The following GPR89A variants were observed in gnomAD, a reference collection of about 807,000 sequenced individuals.
GPR89A encodes G protein-coupled receptor 89A.
A neutral mutation model predicts 52.0 loss-of-function variants in GPR89A; 16 were observed. The ratio of observed to expected loss-of-function variants is 0.31; its 90% confidence interval spans 0.21 to 0.47. The LOEUF (loss-of-function observed/expected upper bound fraction) is 0.47. Among genes scored for constraint, GPR89A ranks in the 20% least tolerant of loss-of-function variants. GPR89A has a pLI of 1.00. For missense variants in GPR89A, 135 were observed against 449.4 expected (o/e 0.30, Z 6.33); for synonymous variants, 55 against 150.9 (o/e 0.36, Z 4.66).
At chr1:145,668,203 G>A (rs1652710605) in intron 12 of GPR89A, among the ~76,000 whole-genome samples, 3 of 152,186 alleles carry the variant, frequency 2.0e-5, no homozygotes, top group Admixed American at 6.5e-5. Flanking sequence ...CTATCCATGA[G>A]CATGGAATGT....
chr1:145,610,532 G>C (rs587675589), intron 1 of GPR89A, among the ~76,000 whole-genome samples: 1 of 152,032 alleles, frequency 6.6e-6, no homozygotes, highest in Non-Finnish European at 1.5e-5. Flanking sequence ...TAAGCCTTCA[G>C]ATCTCAAGTT....
At chr1:145,666,552 A>T (rs1317646841) in intron 12 of GPR89A, among the ~76,000 whole-genome samples, 1 of 147,152 alleles carries the variant, frequency 6.8e-6, no homozygotes, top group South Asian at 2.2e-4. Flanking sequence ...GAATTCAACT[A>T]TTTTTTTTTT....
chr1:145,635,149 G>A (rs1650137223), intron 7 of GPR89A, among the ~76,000 whole-genome samples: 1 of 152,238 alleles, frequency 6.6e-6, no homozygotes, highest in South Asian at 2.1e-4. Context: ...GCTCACGCCT[G>A]TAATCCCAGC....
chr1:145,645,507 A>C (rs1319193993), intron 8 of GPR89A: 13 of 443,214 alleles, frequency 2.9e-5, no homozygotes, highest in Non-Finnish European at 4.9e-5. Context: ...TAAATGGGAG[A>C]ATAATAACTC....
intron 3 of GPR89A, among the ~76,000 whole-genome samples, chr1:145,621,736 T>A (rs758097367): frequency 6.6e-6 from 1 of 152,050 alleles, no homozygotes; most frequent in Non-Finnish European, 1.5e-5. Context: ...AGTTTAATCA[T>A]ATAATACAAT....
intron 7 of GPR89A, among the ~76,000 whole-genome samples, chr1:145,642,855 G>A (rs1650744222): frequency 6.6e-6 from 1 of 151,464 alleles, no homozygotes; most frequent in Non-Finnish European, 1.5e-5. Context: ...TCCTCACTAG[G>A]ACCCTGTTGA....
At chr1:145,626,269 T>A (rs1649491115) in intron 5 of GPR89A, among the ~76,000 whole-genome samples, 1 of 151,862 alleles carries the variant, frequency 6.6e-6, no homozygotes. Context: ...GACCCGACTC[T>A]GACACCTTTC....
At chr1:145,652,308 G>A (rs1553693646) in intron 10 of GPR89A, among the ~76,000 whole-genome samples, 2 of 152,164 alleles carry the variant, frequency 1.3e-5, no homozygotes, top group East Asian at 3.8e-4. Flanking sequence ...TTACTGATTC[G>A]TGTATGTTGA....
At chr1:145,634,129 G>A (rs1449216053) in intron 7 of GPR89A, among the ~76,000 whole-genome samples, 2 of 148,176 alleles carry the variant, frequency 1.3e-5, no homozygotes, top group Non-Finnish European at 3.0e-5. Context: ...GCCCAGGCTG[G>A]AGTGCAGTGA....
At chr1:145,654,817 G>A (rs2624724) in intron 10 of GPR89A, among the ~76,000 whole-genome samples, 19 of 152,160 alleles carry the variant, frequency 1.2e-4, no homozygotes, top group African/African-American at 4.1e-4. Context: ...GTCTTGCTAG[G>A]TTGGAGAAGT....
chr1:145,652,490 G>A (rs1478100100), intron 10 of GPR89A, among the ~76,000 whole-genome samples: 3 of 125,024 alleles, frequency 2.4e-5, no homozygotes, highest in African/African-American at 9.5e-5. Context: ...CCAGATTTTG[G>A]TATCAGAATG....
intron 10 of GPR89A, among the ~76,000 whole-genome samples, chr1:145,651,342 A>G (rs1415488180): frequency 6.6e-6 from 1 of 151,338 alleles, no homozygotes; most frequent in Non-Finnish European, 1.5e-5. Flanking sequence ...ATTCTGTTCC[A>G]TTGGTCTATG....
intron 10 of GPR89A, among the ~76,000 whole-genome samples, chr1:145,656,437 G>T (rs1375188069): frequency 1.3e-5 from 2 of 152,076 alleles, no homozygotes; most frequent in African/African-American, 4.8e-5. Context: ...CTCCCAGGTG[G>T]GGCTGTTGCA....
intron 10 of GPR89A, among the ~76,000 whole-genome samples, chr1:145,650,224 G>C (rs1651353819): frequency 6.6e-6 from 1 of 150,486 alleles, no homozygotes. Flanking sequence ...TTATAAGTGA[G>C]AACATGTGAT....
In GPR89A at chr1:145,647,459, G is replaced by A. The variant is rs192930009; in HGVS notation, c.909+192G>A. On this transcript the variant is annotated intron_variant, in intron 10 of 13. Coordinates refer to ENST00000313835, the MANE Select transcript of GPR89A (RefSeq NM_001097612.2). ...TTTTTAGATTACATAGATAAGAAAG[G>A]TTGCATTTTTCTTCTGTCAGAAATT... is the stretch of plus-strand genomic sequence containing the variant. 1.2e-3 allele frequency among the ~76,000 whole-genome samples: 190 copies of A among 152,140 alleles called. 1 individual carries two copies. The highest frequency in any genetic ancestry group is 1.1e-3 in the Non-Finnish European group (76 of 68,004).
chr1:145,619,978 G>C (rs1649011876), intron 3 of GPR89A, among the ~76,000 whole-genome samples: 2 of 151,956 alleles, frequency 1.3e-5, no homozygotes, highest in Admixed American at 1.3e-4. Flanking sequence ...TTGTGCCACT[G>C]CACTCCAGCC....
In GPR89A at chr1:145,608,078, G is replaced by C; in HGVS notation, c.-56G>C. The C allele has an allele frequency of 1.3e-6, 2 of 1,597,364 alleles. No homozygotes were observed. Among genetic ancestry groups the C allele is most frequent in the East Asian group, 2.2e-5 (1 of 44,780 alleles). On this transcript the variant is annotated 5_prime_UTR_variant, in exon 1 of 14. Transcript: ENST00000313835. ...GTGTGAGGGGGCCTGTGGCCCCAGC[G>C]TGCTGTGGCCTCGGGGAGTGGGAAG...
chr1:145,611,930 C>A (rs374179318), intron 1 of GPR89A, among the ~76,000 whole-genome samples: 67 of 151,648 alleles, frequency 4.4e-4, no homozygotes, highest in African/African-American at 1.3e-3. Flanking sequence ...TACTTTCTTA[C>A]ACCCTCTTGT....
At chr1:145,668,975 T>A (rs1367354310) in intron 12 of GPR89A, among the ~76,000 whole-genome samples, 3 of 151,966 alleles carry the variant, frequency 2.0e-5, no homozygotes, top group African/African-American at 7.3e-5. Context: ...AGTTTGCCAG[T>A]ATTTTATTGA....
Sources: allele counts gnomAD v4.1 joint callset (sites outside exome capture counted in the v4.1 genomes callset), GRCh38; gene constraint gnomAD v4.1.1; transcripts MANE v1.5; gene names NCBI Gene and HGNC (gene_info 2026-07-23, HGNC 2026-07-21).